Variants in WWOX observed in about 807,000 individuals in gnomAD.
WWOX encodes the protein WW domain containing oxidoreductase.
Under a neutral mutation model 46.2 loss-of-function variants are expected in WWOX, and 69 were observed. The ratio of observed to expected loss-of-function variants is 1.49; its 90% confidence interval spans 1.23 to 1.82. The LOEUF is 1.82. Ranked by LOEUF, WWOX falls within the 40% of genes most tolerant of loss-of-function variation. The pLI is 0.00. For missense variants in WWOX, 919 were observed against 542.6 expected, an observed-to-expected ratio of 1.69 and a Z score of -6.89; for synonymous variants, 359 against 202.6, an observed-to-expected ratio of 1.77 and a Z score of -6.56.
At chr16:78,980,462 T>C (rs1049360856) in intron 8 of WWOX, among the ~76,000 whole-genome samples, 3 of 152,238 alleles carry the variant, frequency 2.0e-5, no homozygotes, top group African/African-American at 7.2e-5. Flanking sequence ...CAAACCTCAA[T>C]TTTCACAATT....
intron 8 of WWOX, among the ~76,000 whole-genome samples, chr16:78,434,422 C>T (rs1008261210): frequency 6.6e-6 from 1 of 152,122 alleles, no homozygotes; most frequent in Non-Finnish European, 1.5e-5. Context: ...ATGGTTATGC[C>T]TCATACTTTG....
chr16:79,024,483 G>T (rs1383334200), intron 8 of WWOX, among the ~76,000 whole-genome samples: 3 of 152,048 alleles, frequency 2.0e-5, no homozygotes, highest in Non-Finnish European at 4.4e-5. Flanking sequence ...GCCCAGGCTG[G>T]AGTGCAGTGG....
intron 8 of WWOX, among the ~76,000 whole-genome samples, chr16:79,117,711 T>C (rs1477198308): frequency 6.6e-6 from 1 of 152,278 alleles, no homozygotes; most frequent in Non-Finnish European, 1.5e-5. Context: ...TGCTGCAGCT[T>C]CTGCATCAGC....
At chr16:79,100,513 G>T (rs1293634808) in intron 8 of WWOX, among the ~76,000 whole-genome samples, 1 of 152,084 alleles carries the variant, frequency 6.6e-6, no homozygotes, top group Admixed American at 6.6e-5. Flanking sequence ...AGTAGAACAA[G>T]ACCTCTGAAT....
At chr16:78,727,979 T>A (rs375204310) in intron 8 of WWOX, among the ~76,000 whole-genome samples, 1 of 151,408 alleles carries the variant, frequency 6.6e-6, no homozygotes, top group African/African-American at 2.4e-5. Flanking sequence ...AATTCTTTAT[T>A]AATTCGTTTA....
At chr16:78,356,999 T>C (rs2081308867) in intron 5 of WWOX, among the ~76,000 whole-genome samples, 1 of 152,208 alleles carries the variant, frequency 6.6e-6, no homozygotes. Context: ...ATGTATACCT[T>C]TGCCTCAGTA....
intron 8 of WWOX, among the ~76,000 whole-genome samples, chr16:79,155,203 C>G (rs570215517): frequency 8.4e-4 from 128 of 152,252 alleles, no homozygotes; most frequent in African/African-American, 2.9e-3. Flanking sequence ...TGGTGAAACC[C>G]CATCTCTCCT....
chr16:78,682,031 A>G (rs1400307050), intron 8 of WWOX, among the ~76,000 whole-genome samples: 3 of 152,210 alleles, frequency 2.0e-5, no homozygotes, highest in African/African-American at 7.2e-5. Context: ...TCATTTGTAA[A>G]GAGTTGTTCT....
chr16:78,362,538 G>A (rs2081433745), intron 5 of WWOX, among the ~76,000 whole-genome samples: 1 of 152,128 alleles, frequency 6.6e-6, no homozygotes, highest in Non-Finnish European at 1.5e-5. Flanking sequence ...GAACTCGGGA[G>A]GTGGAGGTAG....
chr16:78,727,590 C>G (rs1251615914), intron 8 of WWOX, among the ~76,000 whole-genome samples: 1 of 152,166 alleles, frequency 6.6e-6, no homozygotes, highest in South Asian at 2.1e-4. Context: ...CCTGGTGCTA[C>G]TGCTGTAGTT....
intron 8 of WWOX, among the ~76,000 whole-genome samples, chr16:78,597,732 A>G (rs2045523758): frequency 6.7e-6 from 1 of 148,614 alleles, no homozygotes; most frequent in African/African-American, 2.5e-5. Context: ...GCTTAATGGG[A>G]ATCATAAATA....
intron 8 of WWOX, among the ~76,000 whole-genome samples, chr16:78,846,991 C>T (rs1027617252): frequency 9.8e-5 from 15 of 152,288 alleles, no homozygotes; most frequent in South Asian, 8.3e-4. Context: ...CAAATTGTTC[C>T]GGCTTTGGCC....
chr16:79,207,988 G>A (rs908891594), intron 8 of WWOX, among the ~76,000 whole-genome samples: 1 of 152,060 alleles, frequency 6.6e-6, no homozygotes, highest in African/African-American at 2.4e-5. Flanking sequence ...TAGATCTGAG[G>A]GCCTCAACTA....
chr16:78,874,734 C>T (rs938249692), intron 8 of WWOX, among the ~76,000 whole-genome samples: 5 of 133,830 alleles, frequency 3.7e-5, no homozygotes, highest in African/African-American at 1.4e-4. Context: ...TTAGTAAGGC[C>T]ATCACAGGTT....
rs570357851 is a variant in WWOX, at chr16:78,410,358, A to G, written c.606-14512A>G. On this transcript the variant is annotated intron_variant, in intron 6 of 8. Transcript: ENST00000566780. ...GATCACGGTCTGCAGCATGTCTTTT[A>G]CCATGTAAGGTAATATGTTCAGTGG... Among the ~76,000 whole-genome samples the G allele has an allele frequency of 2.0e-5, 3 of 152,304 alleles. No individual in the cohort carries two copies. The South Asian group carries it at 6.2e-4, about 32-fold the overall frequency.
intron 5 of WWOX, among the ~76,000 whole-genome samples, chr16:78,293,492 G>C (rs775978876): frequency 6.6e-6 from 1 of 152,012 alleles, no homozygotes; most frequent in African/African-American, 2.4e-5. Context: ...TCTTACGGTG[G>C]TTCTAAGCTC....
At chr16:78,657,944 C>T (rs561530726) in intron 8 of WWOX, among the ~76,000 whole-genome samples, 2 of 152,188 alleles carry the variant, frequency 1.3e-5, no homozygotes, top group Admixed American at 6.5e-5. Flanking sequence ...CTTTTGTTCT[C>T]ACCTTGGGAA....
In WWOX at chr16:78,115,027, G is replaced by C; in HGVS notation, c.282G>C (p.Val94=). Residue 94 remains valine, a synonymous_variant, in exon 4 of 9, where the codon GTG becomes GTC. Coordinates refer to ENST00000566780, the MANE Select transcript of WWOX (RefSeq NM_016373.4). ...TYLDPRLAFT[V]DDNPTKPTTR... is the part of the protein sequence containing the mutation. ...TGGACCCAAGACTGGCGTTTACTGT[G>C]GATGATAATCCGACCAAGCCAACCA... The C allele has an allele frequency of 6.2e-7, 1 of 1,614,184 alleles. No individual in the cohort carries two copies. Among genetic ancestry groups the C allele is most frequent in the Non-Finnish European group, 8.5e-7 (1 of 1,180,050 alleles).
At chr16:78,959,677 C>T (rs1279387096) in intron 8 of WWOX, among the ~76,000 whole-genome samples, 3 of 152,166 alleles carry the variant, frequency 2.0e-5, no homozygotes, top group Admixed American at 6.5e-5. Context: ...GGATAGACTG[C>T]AGGCTCAGAC....
Sources: gnomAD v4.1 joint callset for allele counts (sites outside exome capture counted in the v4.1 genomes callset) on GRCh38, gnomAD v4.1.1 for gene constraint, MANE v1.5 for transcripts, NCBI Gene and HGNC (gene_info 2026-07-23, HGNC 2026-07-21) for gene names.